Variants in ARHGAP5 observed in about 807,000 individuals in gnomAD.
The protein encoded by ARHGAP5 is Rho GTPase activating protein 5, also known as rho GTPase-activating protein 5.
Under a neutral mutation model 116.6 loss-of-function variants are expected in ARHGAP5, and 23 were observed. The ratio of observed to expected loss-of-function variants is 0.20; its 90% confidence interval spans 0.14 to 0.28. The LOEUF (loss-of-function observed/expected upper bound fraction) is 0.28, where lower values mean the gene tolerates loss of function less well. ARHGAP5 is among the 10% of genes least tolerant of loss of function. ARHGAP5 has a pLI of 1.00. For synonymous variants in ARHGAP5, 574 were observed against 602.0 expected (o/e 0.95, Z 0.68); for missense variants, 1,405 against 1,774.8 (o/e 0.79, Z 3.74).
At position 32,092,826 on chromosome 14, in the gene ARHGAP5, G is replaced by A. The variant is rs367605056; in HGVS notation, c.2157G>A (p.Gln719=). ...KNLPILRHQG[Q]QLANKLQCPF... Reference sequence around the variant, plus strand: ...TACCAATTCTCAGGCACCAAGGGCAGCAGTTGGCAAACAAGTTGCAATGTC... The same window carrying A: ...TACCAATTCTCAGGCACCAAGGGCAACAGTTGGCAAACAAGTTGCAATGTC... Residue 719 remains glutamine, a synonymous_variant, in exon 2 of 7, where the codon CAG becomes CAA. Transcript: ENST00000345122. This position sits in a 1 kb window ranked among gnomAD's most constrained non-coding sequence, Gnocchi z 4.1. The A allele has an allele frequency of 6.2e-6, 10 of 1,613,964 alleles. No individual in the cohort carries two copies. Among genetic ancestry groups the A allele is most frequent in the Non-Finnish European group, 7.6e-6 (9 of 1,179,968 alleles).
intron 6 of ARHGAP5, chr14:32,153,905 A>C (rs138711179): frequency 9.1e-4 from 138 of 152,204 alleles, no homozygotes; most frequent in African/African-American, 3.1e-3. Flanking sequence ...AAAAGGAAGA[A>C]AGGAGAGAGA....
At chr14:32,132,870 A>G (rs543879929) in intron 3 of ARHGAP5, among the ~76,000 whole-genome samples, 85 of 152,222 alleles carry the variant, frequency 5.6e-4, no homozygotes, top group African/African-American at 1.9e-3. Flanking sequence ...TGTTTTTGTC[A>G]GGTTTGTCAA....
Position 32,092,204 on chromosome 14 carries a change from C to T in ARHGAP5, c.1535C>T (p.Ser512Leu), listed in dbSNP as rs755649902. The part of the protein sequence containing the change: ...YDLDLNATPS[S>L]DKMSEIHTVL... ...TTAGATCTTAATGCAACACCTAGTT[C>T]AGATAAAATGAGTGAAATTCATACA... The change falls in exon 2 of 7, where the codon TCA (serine) becomes TTA (leucine). Residue 512 changes from serine (S) to leucine (L), a missense_variant. Physicochemically the swap from Ser to Leu is moderately radical, Grantham distance 145. Transcript: ENST00000345122. The surrounding 1 kb of genome is among the most constrained non-coding windows in gnomAD (Gnocchi z 4.1). 1 of 1,613,306 alleles carries T rather than the reference C, an allele frequency of 6.2e-7. No homozygotes were observed. Among genetic ancestry groups the T allele is most frequent in the Admixed American group, 1.7e-5 (1 of 59,924 alleles).
intron 3 of ARHGAP5, among the ~76,000 whole-genome samples, chr14:32,138,214 T>C (rs531626130): frequency 4.2e-4 from 64 of 152,158 alleles, no homozygotes; most frequent in Non-Finnish European, 7.1e-4. Flanking sequence ...CAACTAACTT[T>C]TATGTGTTGA....
intron 2 of ARHGAP5, among the ~76,000 whole-genome samples, chr14:32,099,298 A>G (rs2139034224): frequency 6.6e-6 from 1 of 152,322 alleles, no homozygotes; most frequent in South Asian, 2.1e-4. Context: ...TCAATCAGGT[A>G]GGAAGTTACG....
intron 1 of ARHGAP5, among the ~76,000 whole-genome samples, chr14:32,083,812 A>G (rs7154957): frequency 0.015 from 2,282 of 152,082 alleles, 54 homozygotes; most frequent in African/African-American, 0.051. Flanking sequence ...CCTTCTCCCC[A>G]CTTCTTGGTT....
intron 2 of ARHGAP5, among the ~76,000 whole-genome samples, chr14:32,111,808 A>G (rs1879314875): frequency 7.3e-6 from 1 of 136,648 alleles, no homozygotes; most frequent in Non-Finnish European, 1.6e-5. Context: ...CAGTTTATTT[A>G]CATTTCATCT....
At chr14:32,110,216 A>G (rs1394573060) in intron 2 of ARHGAP5, among the ~76,000 whole-genome samples, 1 of 151,948 alleles carries the variant, frequency 6.6e-6, no homozygotes, top group African/African-American at 2.4e-5. Context: ...AGATAAAAAA[A>G]AAAAAAAGAT....
chr14:32,094,425 CT>C, intron 2 of ARHGAP5, 39 bp downstream of exon 2: 1 of 1,438,860 alleles, frequency 6.9e-7, no homozygotes, highest in South Asian at 1.4e-5. Context: ...TATAAAAATG[CT>C]TGTTGTTACT....
chr14:32,110,889 G>A (rs1879258895), intron 2 of ARHGAP5, among the ~76,000 whole-genome samples: 1 of 152,164 alleles, frequency 6.6e-6, no homozygotes, highest in Non-Finnish European at 1.5e-5. Context: ...TGTATTCCAA[G>A]CAACTGAAAG....
In ARHGAP5 at chr14:32,094,056, C is replaced by G. The variant is rs1239098873; in HGVS notation, c.3387C>G (p.Thr1129=). 2.5e-6 allele frequency: 4 copies of G among 1,613,718 alleles called. No homozygotes were observed. The African/African-American group carries it at 4.0e-5, about 16-fold the overall frequency. The change falls in exon 2 of 7, where the codon ACC becomes ACG. Residue 1129 remains threonine, a synonymous_variant. Transcript: ENST00000345122. ...IKIRNSFVNN[T]QGDEENGFSD... is the part of the protein sequence containing the mutation. ...TTCGAAACTCATTTGTAAATAACAC[C>G]CAAGGAGATGAAGAAAATGGGTTTT...
intron 1 of ARHGAP5, among the ~76,000 whole-genome samples, chr14:32,089,450 G>T (rs2041862866): frequency 6.6e-6 from 1 of 151,798 alleles, no homozygotes. Context: ...AAATGATGCA[G>T]TTCTTTTAAT....
chr14:32,131,857 A>G (rs1227441784), intron 3 of ARHGAP5, among the ~76,000 whole-genome samples: 1 of 152,044 alleles, frequency 6.6e-6, no homozygotes, highest in Non-Finnish European at 1.5e-5. Flanking sequence ...TCCTTGCGAT[A>G]GTTTGCTGAG....
chr14:32,115,509 CA>C (rs1415007361), intron 2 of ARHGAP5, among the ~76,000 whole-genome samples: 1 of 150,476 alleles, frequency 6.6e-6, no homozygotes, highest in Non-Finnish European at 1.5e-5. Flanking sequence ...TAAAAAAATA[CA>C]AAAAAATTAG....
At position 32,132,275 on chromosome 14, in the gene ARHGAP5, C is replaced by T. The variant is rs866442959; in HGVS notation, c.3866-13988C>T. ...TTTCCTGACTTTTTAATGATTGCCA[C>T]TCTAACTGGTGTGAGATGGTATCTT... is the stretch of plus-strand genomic sequence containing the variant. On this transcript the variant is annotated intron_variant, in intron 3 of 6. Transcript: ENST00000345122. Among the ~76,000 whole-genome samples, 103 of 152,234 alleles carry T rather than the reference C, an allele frequency of 6.8e-4. 5 individuals are homozygous for T. The highest frequency in any genetic ancestry group is 6.8e-3 in the Middle Eastern group (2 of 294).
chr14:32,130,364 A>C (rs189684244), intron 3 of ARHGAP5, among the ~76,000 whole-genome samples: 1 of 148,052 alleles, frequency 6.8e-6, no homozygotes, highest in African/African-American at 2.5e-5. Flanking sequence ...GGTGCCTGCT[A>C]TCACACCAGG....
chr14:32,080,814 C>T (rs1307712607), intron 1 of ARHGAP5, among the ~76,000 whole-genome samples: 2 of 151,914 alleles, frequency 1.3e-5, no homozygotes, highest in Admixed American at 1.3e-4. Context: ...AAGCTGTCTA[C>T]AGTACTTTAG....
At chr14:32,081,359 C>T (rs755700023) in intron 1 of ARHGAP5, among the ~76,000 whole-genome samples, 1 of 151,932 alleles carries the variant, frequency 6.6e-6, no homozygotes, top group Non-Finnish European at 1.5e-5. Flanking sequence ...AAGTTAATGA[C>T]AGTGTGGACT....
intron 2 of ARHGAP5, among the ~76,000 whole-genome samples, chr14:32,104,550 A>G (rs1450047480): frequency 6.6e-6 from 1 of 152,198 alleles, no homozygotes; most frequent in African/African-American, 2.4e-5. Context: ...TAGGCTTAAA[A>G]AAGGGATTAA....
Sources: allele counts gnomAD v4.1 joint callset (sites outside exome capture counted in the v4.1 genomes callset), GRCh38; gene constraint gnomAD v4.1.1; non-coding constraint Gnocchi (gnomAD v3.1); transcripts MANE v1.5; gene names NCBI Gene and HGNC (gene_info 2026-07-23, HGNC 2026-07-21).